Variants in CEP70 observed in about 807,000 individuals in gnomAD.
CEP70 encodes the protein centrosomal protein of 70 kDa.
A neutral mutation model predicts 90.9 loss-of-function variants in CEP70; 70 were observed. That is an observed-to-expected ratio of 0.77 (90% CI 0.64 to 0.94). The LOEUF (loss-of-function observed/expected upper bound fraction) is 0.94, where lower values mean the gene tolerates loss of function less well. CEP70 is among the 40% of genes least tolerant of loss of function. CEP70 has a pLI of 0.00. For missense variants in CEP70, 648 were observed against 669.0 expected (o/e 0.97, Z 0.35); for synonymous variants, 220 against 228.3 (o/e 0.96, Z 0.33).
rs7624630 is a variant in CEP70 at position 138,581,827 on chromosome 3, T to C, written c.-5-8895A>G. On this transcript the variant is annotated intron_variant, in intron 2 of 17. Transcript: ENST00000264982. ...CAAGTACAAGAAAGCTGTAGAAAAC[T>C]AAGCCGATTTAACCCAAGGAGACTA... Among the ~76,000 whole-genome samples the C allele has an allele frequency of 5.7e-3, 853 of 150,478 alleles. 7 individuals are homozygous for C. The highest frequency in any genetic ancestry group is 0.02 in the African/African-American group (821 of 40,824).
intron 2 of CEP70, among the ~76,000 whole-genome samples, chr3:138,591,005 T>C (rs1246766671): frequency 1.3e-5 from 2 of 152,130 alleles, no homozygotes; most frequent in African/African-American, 4.8e-5. Flanking sequence ...AACAAAAATT[T>C]CATTTTACGC....
At chr3:138,571,459 A>T in intron 3 of CEP70, 103 bp from the exon 4 acceptor site, 1 of 806,192 alleles carries the variant, frequency 1.2e-6, no homozygotes, top group Non-Finnish European at 2.0e-6. Flanking sequence ...TTTTTCTTCA[A>T]AAGTTTTAAG....
At chr3:138,514,238 C>T (rs2035797799) in intron 11 of CEP70, among the ~76,000 whole-genome samples, 1 of 152,174 alleles carries the variant, frequency 6.6e-6, no homozygotes, top group Admixed American at 6.6e-5. Flanking sequence ...GTCAAGGCTC[C>T]TGGCCCCAAG....
chr3:138,568,659 T>C (rs2040945895), intron 6 of CEP70, among the ~76,000 whole-genome samples: 1 of 152,174 alleles, frequency 6.6e-6, no homozygotes, highest in South Asian at 2.1e-4. Flanking sequence ...ATAAATATAC[T>C]ATTGATGAGG....
chr3:138,588,031 A>G (rs568760453), intron 2 of CEP70, among the ~76,000 whole-genome samples: 1 of 152,270 alleles, frequency 6.6e-6, no homozygotes, highest in South Asian at 2.1e-4. Context: ...TGCTAGAACA[A>G]TGGGATGCCC....
At chr3:138,520,789 C>G (rs566168594) in intron 11 of CEP70, among the ~76,000 whole-genome samples, 23 of 152,046 alleles carry the variant, frequency 1.5e-4, no homozygotes, top group Non-Finnish European at 3.1e-4. Context: ...GCTCCCTCTC[C>G]CTCTCCCTTT....
chr3:138,538,795 A>G (rs1169181102), intron 6 of CEP70, among the ~76,000 whole-genome samples: 1 of 152,114 alleles, frequency 6.6e-6, no homozygotes, highest in African/African-American at 2.4e-5. Flanking sequence ...TTATTGACAT[A>G]ATCCATTGTT....
At chr3:138,530,124 C>T (rs1164980433) in intron 8 of CEP70, among the ~76,000 whole-genome samples, 1 of 152,188 alleles carries the variant, frequency 6.6e-6, no homozygotes, top group African/African-American at 2.4e-5. Context: ...TTTTAGCAAT[C>T]TTGATTAACT....
chr3:138,538,471 G>A (rs2038475332), intron 6 of CEP70, among the ~76,000 whole-genome samples: 1 of 152,168 alleles, frequency 6.6e-6, no homozygotes, highest in Non-Finnish European at 1.5e-5. Context: ...TACCAAGAAG[G>A]AAGCAGTGAC....
intron 2 of CEP70, among the ~76,000 whole-genome samples, chr3:138,585,108 T>C (rs1445597970): frequency 6.6e-6 from 1 of 152,172 alleles, no homozygotes; most frequent in African/African-American, 2.4e-5. Flanking sequence ...CAAATTATCC[T>C]TGTTTGCAGG....
chr3:138,540,857 G>A (rs1160792527), intron 6 of CEP70, among the ~76,000 whole-genome samples: 1 of 152,100 alleles, frequency 6.6e-6, no homozygotes, highest in Non-Finnish European at 1.5e-5. Context: ...ACTCATCAAT[G>A]GTAGACTGGA....
intron 6 of CEP70, among the ~76,000 whole-genome samples, chr3:138,538,593 G>A (rs1054141739): frequency 6.6e-6 from 1 of 152,170 alleles, no homozygotes; most frequent in African/African-American, 2.4e-5. Flanking sequence ...ATCCTTCAAT[G>A]AGAAGACATA....
At chr3:138,576,047 T>C (rs1350053893) in intron 2 of CEP70, among the ~76,000 whole-genome samples, 2 of 152,140 alleles carry the variant, frequency 1.3e-5, no homozygotes, top group Non-Finnish European at 1.5e-5. Context: ...CATCAACTAA[T>C]GGGCAAAATA....
intron 6 of CEP70, among the ~76,000 whole-genome samples, chr3:138,543,819 C>CA (rs902978778): frequency 3.9e-5 from 6 of 152,002 alleles, no homozygotes; most frequent in African/African-American, 1.4e-4. Flanking sequence ...AAAGAAAAAA[C>CA]AAAAACAAAA....
intron 11 of CEP70, among the ~76,000 whole-genome samples, chr3:138,511,163 G>GCC (rs151148777): frequency 5.3e-5 from 8 of 151,894 alleles, no homozygotes; most frequent in African/African-American, 1.9e-4. Flanking sequence ...GAGCCACCGT[G>GCC]CCCCCCCAGT....
chr3:138,518,901 T>C (rs1043328801), intron 11 of CEP70, among the ~76,000 whole-genome samples: 15 of 151,934 alleles, frequency 9.9e-5, no homozygotes, highest in African/African-American at 2.7e-4. Flanking sequence ...AGGAGGAAGT[T>C]TGAACCCAAG....
intron 6 of CEP70, among the ~76,000 whole-genome samples, chr3:138,568,604 A>G (rs2040943541): frequency 6.6e-6 from 1 of 152,202 alleles, no homozygotes; most frequent in African/African-American, 2.4e-5. Context: ...AAACCAATGC[A>G]TATAGAAAGT....
chr3:138,561,016 A>G (rs2040370578), intron 6 of CEP70, among the ~76,000 whole-genome samples: 1 of 152,166 alleles, frequency 6.6e-6, no homozygotes, highest in Non-Finnish European at 1.5e-5. Flanking sequence ...TTCGAGCAGC[A>G]GATCTCAGAG....
intron 6 of CEP70, among the ~76,000 whole-genome samples, chr3:138,569,543 T>C (rs1307136476): frequency 6.6e-6 from 1 of 152,174 alleles, no homozygotes; most frequent in Admixed American, 6.6e-5. Context: ...TTGCCATTTC[T>C]ATAAAAAGAA....
Sources: allele counts gnomAD v4.1 joint callset (sites outside exome capture counted in the v4.1 genomes callset), GRCh38; gene constraint gnomAD v4.1.1; transcripts MANE v1.5; gene names NCBI Gene and HGNC (gene_info 2026-07-23, HGNC 2026-07-21).